The following UBE2U variants were observed in gnomAD, a reference collection of about 807,000 sequenced individuals.
The protein encoded by UBE2U is ubiquitin conjugating enzyme E2 U, also known as ubiquitin-conjugating enzyme E2 U.
In UBE2U, 39 loss-of-function variants were observed where a neutral mutation model predicts 41.2. That is an observed-to-expected ratio of 0.95 (90% CI 0.73 to 1.24). The LOEUF (loss-of-function observed/expected upper bound fraction) is 1.24. Among genes scored for constraint, UBE2U ranks in the 50% most tolerant of loss-of-function variants. The probability of loss-of-function intolerance (pLI) is 0.00; values close to 1 mark genes in which losing one functional copy is unlikely to be tolerated. For synonymous variants in UBE2U, 107 were observed against 117.8 expected, an observed-to-expected ratio of 0.91 and a Z score of 0.60; for missense variants, 336 against 363.1, an observed-to-expected ratio of 0.93 and a Z score of 0.61.
Position 64,239,114 on chromosome 1 carries a change from G to GA in UBE2U, c.596-2536dup, listed in dbSNP as rs1246967120. Among the ~76,000 whole-genome samples, 11 of 17,468 alleles carry GA rather than the reference G, an allele frequency of 6.3e-4. 1 individual carries two copies. The highest frequency in any genetic ancestry group is 2.0e-3 in the African/African-American group (4 of 2,050). 11.5% of individuals were successfully genotyped at this position (17,468 alleles called of 152,430 possible). ...AGAGGAAGAAGAAGAAGAAGAAGAA[G>GA]AAGAAGAAGAAGAAGAAGAAGAAGA... On this transcript the variant is annotated intron_variant, in intron 7 of 9. Transcript: ENST00000371077.
chr1:64,228,855 ATTT>A (rs56873849), intron 6 of UBE2U, among the ~76,000 whole-genome samples: 2,829 of 93,896 alleles, frequency 0.03, 65 homozygotes, highest in African/African-American at 0.092. Context: ...TGCCCAGGTA[ATTT>A]TTTTTTTTTT....
intron 8 of UBE2U, among the ~76,000 whole-genome samples, chr1:64,259,867 T>A (rs1400595727): frequency 6.6e-6 from 1 of 151,958 alleles, no homozygotes; most frequent in Non-Finnish European, 1.5e-5. Context: ...GTGGGTTGAA[T>A]CATGTCCCCA....
chr1:64,211,013 A>G (rs1185287563), intron 4 of UBE2U, among the ~76,000 whole-genome samples, 174 bp downstream of exon 4: 3 of 152,242 alleles, frequency 2.0e-5, no homozygotes, highest in Non-Finnish European at 4.4e-5. Flanking sequence ...TAAATTATAA[A>G]AACTATTATT....
intron 5 of UBE2U, among the ~76,000 whole-genome samples, 189 bp downstream of exon 5, chr1:64,215,121 C>T (rs825172): frequency 0.21 from 32,199 of 152,064 alleles, 4,706 homozygotes; most frequent in African/African-American, 0.42. Context: ...ATCCCACCTA[C>T]TCGGGAGCCT....
chr1:64,253,739 G>T (rs1645047961), intron 8 of UBE2U, among the ~76,000 whole-genome samples: 1 of 152,124 alleles, frequency 6.6e-6, no homozygotes, highest in African/African-American at 2.4e-5. Context: ...CACCAGGCCT[G>T]CCTTGCAAGA....
At chr1:64,262,256 C>T (rs559172271) in intron 9 of UBE2U, among the ~76,000 whole-genome samples, 32 of 152,284 alleles carry the variant, frequency 2.1e-4, no homozygotes, top group African/African-American at 7.2e-4. Context: ...CTACCATAGC[C>T]GTATCATGCT....
intron 7 of UBE2U, among the ~76,000 whole-genome samples, chr1:64,239,108 GA>G (rs1553168920): frequency 3.5e-5 from 1 of 28,422 alleles, no homozygotes; most frequent in African/African-American, 2.9e-4. Context: ...AGAAGAAGAA[GA>G]AGAAGAAGAA....
At chr1:64,231,745 GCTT>G (rs1164628391) in intron 6 of UBE2U, among the ~76,000 whole-genome samples, 11 of 152,090 alleles carry the variant, frequency 7.2e-5, no homozygotes, top group African/African-American at 1.9e-4. Context: ...CTGAAAACTT[GCTT>G]CTTCTTCTAA....
At chr1:64,244,969 G>A (rs558381972) in intron 8 of UBE2U, among the ~76,000 whole-genome samples, 3 of 152,248 alleles carry the variant, frequency 2.0e-5, no homozygotes, top group Non-Finnish European at 4.4e-5. Flanking sequence ...AAACTTTTAA[G>A]GTTCATTCTA....
chr1:64,230,199 T>A (rs1644529198), intron 6 of UBE2U, among the ~76,000 whole-genome samples: 1 of 152,234 alleles, frequency 6.6e-6, no homozygotes, highest in Non-Finnish European at 1.5e-5. Flanking sequence ...AGTTAATCCC[T>A]GAATTACTGC....
chr1:64,251,102 GC>G (rs1017422587), intron 8 of UBE2U, among the ~76,000 whole-genome samples: 58 of 150,290 alleles, frequency 3.9e-4, no homozygotes, highest in Non-Finnish European at 3.5e-4. Context: ...ATCCTTCCCC[GC>G]CCCCCCAAAA....
intron 6 of UBE2U, among the ~76,000 whole-genome samples, chr1:64,226,140 A>T (rs1247205528): frequency 6.6e-6 from 1 of 152,260 alleles, no homozygotes; most frequent in African/African-American, 2.4e-5. Flanking sequence ...TGAATGCATA[A>T]ATAAATTGTG....
intron 3 of UBE2U, among the ~76,000 whole-genome samples, chr1:64,208,745 G>A (rs2132417): frequency 0.44 from 66,043 of 151,204 alleles, 14,841 homozygotes; most frequent in Middle Eastern, 0.51. Context: ...CTACAGTTAC[G>A]TGTATTGCTT....
chr1:64,243,513 G>T (rs1644869829), intron 8 of UBE2U, among the ~76,000 whole-genome samples: 1 of 152,062 alleles, frequency 6.6e-6, no homozygotes, highest in African/African-American at 2.4e-5. Flanking sequence ...TCTATATTGT[G>T]CATGCCATAT....
At chr1:64,207,577 C>T (rs1401676492) in intron 3 of UBE2U, among the ~76,000 whole-genome samples, 2 of 152,120 alleles carry the variant, frequency 1.3e-5, no homozygotes, top group African/African-American at 4.8e-5. Context: ...TCTAATTTTT[C>T]ATTATTATAA....
At chr1:64,255,413 CATTTT>C (rs2100525453) in intron 8 of UBE2U, among the ~76,000 whole-genome samples, 1 of 152,244 alleles carries the variant, frequency 6.6e-6, no homozygotes, top group African/African-American at 2.4e-5. Flanking sequence ...CTCCTTAACT[CATTTT>C]ATGAAGTCAG....
chr1:64,223,192 T>C lies in UBE2U; in HGVS notation c.506+2285T>C, dbSNP rs77931508. Among the ~76,000 whole-genome samples the C allele has an allele frequency of 5.0e-3, 762 of 152,340 alleles. 4 individuals carry two copies. Among genetic ancestry groups the C allele is most frequent in the Non-Finnish European group, 8.5e-3 (580 of 68,024 alleles). ...ACACACCTGATTAATATGTCATCCC[T>C]AACCTCACGAGATTTATATTCTAGC... On this transcript the variant is annotated intron_variant, in intron 6 of 9. Coordinates refer to ENST00000371077, the MANE Select transcript of UBE2U (RefSeq NM_001366232.2).
intron 6 of UBE2U, among the ~76,000 whole-genome samples, chr1:64,222,143 A>C (rs1198405568): frequency 1.3e-5 from 2 of 152,052 alleles, no homozygotes; most frequent in Non-Finnish European, 2.9e-5. Context: ...TTCATGAAAA[A>C]ATGTTGAAAA....
chr1:64,244,514 G>T (rs1644889141), intron 8 of UBE2U, among the ~76,000 whole-genome samples: 1 of 152,062 alleles, frequency 6.6e-6, no homozygotes, highest in South Asian at 2.1e-4. Context: ...TCTTTTCTCA[G>T]GTTAGAAAAC....
Sources: allele counts gnomAD v4.1 joint callset (sites outside exome capture counted in the v4.1 genomes callset), GRCh38; gene constraint gnomAD v4.1.1; transcripts MANE v1.5; gene names NCBI Gene and HGNC (gene_info 2026-07-23, HGNC 2026-07-21).